The following VPS53 variants were observed in gnomAD, a reference collection of about 807,000 sequenced individuals.
VPS53 encodes vacuolar protein sorting-associated protein 53 homolog.
VPS53 carries 70 observed loss-of-function variants against 107.0 expected under a neutral mutation model. That is an observed-to-expected ratio of 0.65 (90% confidence interval 0.54 to 0.80). VPS53 has a LOEUF of 0.80. Ranked by LOEUF, VPS53 falls within the 30% of genes least tolerant of loss-of-function variation. The pLI, the probability that VPS53 is intolerant of heterozygous loss-of-function variation, is 0.00. For synonymous variants in VPS53, 409 were observed against 393.3 expected (o/e 1.04, Z -0.47); for missense variants, 917 against 1,049.4 (o/e 0.87, Z 1.74).
chr17:661,153 A>G (rs1971419798), intron 5 of VPS53, among the ~76,000 whole-genome samples: 1 of 152,088 alleles, frequency 6.6e-6, no homozygotes, highest in African/African-American at 2.4e-5. Context: ...GGAGAAATGC[A>G]TGATACCAAT....
chr17:564,693 G>A (rs942335393), intron 13 of VPS53, among the ~76,000 whole-genome samples: 2 of 152,020 alleles, frequency 1.3e-5, no homozygotes, highest in Non-Finnish European at 2.9e-5. Flanking sequence ...TTCCAGCCTG[G>A]GCAACAGAGC....
intron 15 of VPS53, among the ~76,000 whole-genome samples, chr17:555,612 G>A (rs779960109): frequency 6.6e-6 from 1 of 152,214 alleles, no homozygotes; most frequent in Non-Finnish European, 1.5e-5. Context: ...TGGGATTACA[G>A]GCGTGAGCCC....
intron 19 of VPS53, among the ~76,000 whole-genome samples, chr17:526,510 G>T (rs539745327): frequency 1.3e-5 from 2 of 152,338 alleles, no homozygotes; most frequent in African/African-American, 2.4e-5. Context: ...AGGCGGGAAT[G>T]AGCCTGACAG....
chr17:697,760 A>G (rs928324184), intron 3 of VPS53, among the ~76,000 whole-genome samples: 5 of 152,240 alleles, frequency 3.3e-5, no homozygotes, highest in African/African-American at 1.2e-4. Context: ...TAAAATCTGC[A>G]GGATTTTTCA....
chr17:533,903 C>G (rs1230723841), intron 18 of VPS53, among the ~76,000 whole-genome samples: 2 of 151,806 alleles, frequency 1.3e-5, no homozygotes, highest in Non-Finnish European at 2.9e-5. Context: ...ACAGTGGCAC[C>G]ATCTTGGCTC....
chr17:585,730 G>A (rs1015959393), intron 13 of VPS53, among the ~76,000 whole-genome samples: 1 of 152,168 alleles, frequency 6.6e-6, no homozygotes, highest in African/African-American at 2.4e-5. Context: ...ACAACGAAAT[G>A]CATGATTATT....
chr17:568,531 G>A (rs1913755564), intron 13 of VPS53, among the ~76,000 whole-genome samples: 1 of 152,188 alleles, frequency 6.6e-6, no homozygotes. Context: ...ACAGGCACGA[G>A]CAACCATGCC....
intron 11 of VPS53, among the ~76,000 whole-genome samples, chr17:617,001 CAG>C (rs1969166709): frequency 6.6e-6 from 1 of 152,202 alleles, no homozygotes; most frequent in Non-Finnish European, 1.5e-5. Context: ...AGGGCCCAGC[CAG>C]AGAGGGTGAA....
chr17:609,949 G>C (rs565022170), intron 11 of VPS53, among the ~76,000 whole-genome samples: 1 of 152,014 alleles, frequency 6.6e-6, no homozygotes, highest in Non-Finnish European at 1.5e-5. Context: ...CTAACATGGT[G>C]AAACCGTCTC....
At position 516,663 on chromosome 17, in the gene VPS53, G is replaced by A. The variant is rs34570514; in HGVS notation, c.*2465C>T. The A allele has an allele frequency of 0.08, 12,248 of 152,314 alleles. 643 individuals are homozygous for A. The highest frequency in any genetic ancestry group is 0.12 in the East Asian group (620 of 5,172). The allele number at this position is 152,314 out of a possible 1,614,324, so 9.4% of individuals were successfully genotyped here. A position where few individuals can be genotyped will look rare whatever the true frequency, so the allele number is the denominator to read the frequency against. Reference sequence around the variant, plus strand: ...AGGCGTGAGCCACGGCGCCCGGCCGGCATCTGTAGATTTTAAAAGGCCCCA... The same window carrying A: ...AGGCGTGAGCCACGGCGCCCGGCCGACATCTGTAGATTTTAAAAGGCCCCA... On this transcript the variant is annotated 3_prime_UTR_variant, in exon 22 of 22. Transcript: ENST00000437048.
In VPS53 at chr17:518,978, G is replaced by A; in HGVS notation, c.*150C>T. 1 of 842,702 alleles carries A rather than the reference G, an allele frequency of 1.2e-6. No homozygotes were observed. The highest frequency in any genetic ancestry group is 1.8e-6 in the Non-Finnish European group (1 of 567,748). 52.2% of individuals were successfully genotyped at this position (842,702 alleles called of 1,614,324 possible). ...CGATTAGGGCAGGAAGTAAGACAGG[G>A]CATGGGAGAGACTCAGTAACAACCC... is the stretch of plus-strand genomic sequence containing the variant. On this transcript the variant is annotated 3_prime_UTR_variant, in exon 22 of 22. Coordinates refer to ENST00000437048, the MANE Select transcript of VPS53 (RefSeq NM_001128159.3).
intron 15 of VPS53, among the ~76,000 whole-genome samples, chr17:558,840 C>G (rs1357753019): frequency 1.4e-5 from 2 of 139,252 alleles, no homozygotes; most frequent in African/African-American, 2.8e-5. Flanking sequence ...AAAAAAAATA[C>G]AAAAATTAGC....
chr17:635,997 A>C (rs1449701848), intron 7 of VPS53, among the ~76,000 whole-genome samples: 1 of 152,154 alleles, frequency 6.6e-6, no homozygotes. Context: ...CAGTATGGCC[A>C]TTTTCACGAT....
At chr17:625,050 G>A (rs1460705935) in intron 10 of VPS53, among the ~76,000 whole-genome samples, 1 of 144,036 alleles carries the variant, frequency 6.9e-6, no homozygotes, top group Admixed American at 7.2e-5. Context: ...GGAGTGCAAT[G>A]GCATGATAAT....
intron 7 of VPS53, among the ~76,000 whole-genome samples, chr17:645,724 TC>T (rs1970658947): frequency 6.6e-6 from 1 of 152,250 alleles, no homozygotes; most frequent in Admixed American, 6.5e-5. Flanking sequence ...TCTGTCATGT[TC>T]CTGCCATGCA....
At chr17:630,419 T>A (rs866215419) in intron 8 of VPS53, among the ~76,000 whole-genome samples, 4 of 152,178 alleles carry the variant, frequency 2.6e-5, no homozygotes, top group African/African-American at 9.7e-5. Context: ...CCCTTTTCAC[T>A]TCTTTGACCT....
In VPS53 at chr17:520,137, C is replaced by A. The variant is rs1252619313; in HGVS notation, c.2224-207G>T. ...GCAGCAGCAACCCAGACTAGAAACG[C>A]CCCAGTGGCCCATCTCATCTTCACA... On this transcript the variant is annotated intron_variant, in intron 20 of 21. Coordinates refer to ENST00000437048, the MANE Select transcript of VPS53 (RefSeq NM_001128159.3). This position sits in a 1 kb window ranked among gnomAD's most constrained non-coding sequence, Gnocchi z 4.4. Among the ~76,000 whole-genome samples the A allele has an allele frequency of 6.6e-6, 1 of 152,200 alleles. No individual in the cohort carries two copies. Among genetic ancestry groups the A allele is most frequent in the Non-Finnish European group, 1.5e-5 (1 of 68,032 alleles).
chr17:642,309 A>C (rs1290502523), intron 7 of VPS53, among the ~76,000 whole-genome samples: 1 of 152,102 alleles, frequency 6.6e-6, no homozygotes, highest in Non-Finnish European at 1.5e-5. Flanking sequence ...CGAGGACAAC[A>C]CTCATACTTG....
intron 17 of VPS53, among the ~76,000 whole-genome samples, chr17:548,854 C>T (rs762464383): frequency 7.9e-5 from 12 of 152,214 alleles, no homozygotes; most frequent in Non-Finnish European, 1.0e-4. Context: ...TTGAACTGCC[C>T]TACTAATCAC....
Sources: allele counts gnomAD v4.1 joint callset (sites outside exome capture counted in the v4.1 genomes callset), GRCh38; gene constraint gnomAD v4.1.1; non-coding constraint Gnocchi (gnomAD v3.1); transcripts MANE v1.5; gene names NCBI Gene and HGNC (gene_info 2026-07-23, HGNC 2026-07-21).